The following RPH3A variants were observed in gnomAD, a reference collection of about 807,000 sequenced individuals.
RPH3A encodes rabphilin-3A.
RPH3A carries 48 observed loss-of-function variants against 102.2 expected under a neutral mutation model. The observed-to-expected ratio is 0.47, with a 90% CI of 0.37 to 0.60. The LOEUF is 0.60. RPH3A is among the 20% of genes least tolerant of loss of function. The pLI is 0.00. For synonymous variants in RPH3A, 310 were observed against 324.3 expected (o/e 0.96, Z 0.47); for missense variants, 781 against 910.1 (o/e 0.86, Z 1.83).
chr12:112,626,652 G>A (rs1405462162), intron 1 of RPH3A, among the ~76,000 whole-genome samples: 3 of 142,898 alleles, frequency 2.1e-5, no homozygotes, highest in South Asian at 2.4e-4. Flanking sequence ...TCAGTGTGGC[G>A]ATTCCTCAGG....
chr12:112,823,864 T>A (rs967333028), intron 2 of RPH3A, among the ~76,000 whole-genome samples: 2 of 152,234 alleles, frequency 1.3e-5, no homozygotes, highest in Admixed American at 6.5e-5. Context: ...TTGGCTTTCA[T>A]GAAGTATCAT....
intron 2 of RPH3A, among the ~76,000 whole-genome samples, chr12:112,807,645 C>A (rs1008929182): frequency 6.6e-6 from 1 of 152,096 alleles, no homozygotes; most frequent in Non-Finnish European, 1.5e-5. Context: ...TTGCTTGGAC[C>A]AAAGCTTGGC....
chr12:112,858,816 A>AGGC (rs1435755580), intron 5 of RPH3A, among the ~76,000 whole-genome samples: 1 of 152,178 alleles, frequency 6.6e-6, no homozygotes, highest in Non-Finnish European at 1.5e-5. Context: ...CCACCTCCAG[A>AGGC]GGCCATCCAT....
intron 5 of RPH3A, among the ~76,000 whole-genome samples, chr12:112,858,657 G>T (rs1433014201): frequency 6.6e-6 from 1 of 152,188 alleles, no homozygotes; most frequent in East Asian, 1.9e-4. Flanking sequence ...CTCCATGAGG[G>T]CAGTGATCTT....
chr12:112,655,069 T>C (rs569929148), intron 1 of RPH3A, among the ~76,000 whole-genome samples: 2 of 152,334 alleles, frequency 1.3e-5, no homozygotes, highest in African/African-American at 4.8e-5. Context: ...ATTGATATGC[T>C]TGAAGGCCAT....
At chr12:112,702,543 G>A (rs898217876) in intron 1 of RPH3A, among the ~76,000 whole-genome samples, 2 of 152,230 alleles carry the variant, frequency 1.3e-5, no homozygotes, top group African/African-American at 4.8e-5. Flanking sequence ...AAGCCCACAT[G>A]GGTGCTAGGG....
intron 1 of RPH3A, among the ~76,000 whole-genome samples, chr12:112,656,345 GC>G (rs1461550666): frequency 6.6e-6 from 1 of 152,170 alleles, no homozygotes; most frequent in Non-Finnish European, 1.5e-5. Context: ...TCTTGCAGAT[GC>G]CATTTATATA....
chr12:112,697,299 A>C (rs1019066939), intron 1 of RPH3A, among the ~76,000 whole-genome samples: 1 of 152,212 alleles, frequency 6.6e-6, no homozygotes, highest in Non-Finnish European at 1.5e-5. Context: ...GCAATATAAA[A>C]AATTTAATTT....
chr12:112,764,226 G>C (rs2136068325), intron 1 of RPH3A, among the ~76,000 whole-genome samples: 1 of 152,298 alleles, frequency 6.6e-6, no homozygotes, highest in South Asian at 2.1e-4. Context: ...CCCTCAATGA[G>C]GTACAGGAGC....
chr12:112,685,953 G>A (rs2040260625), intron 1 of RPH3A, among the ~76,000 whole-genome samples: 1 of 152,160 alleles, frequency 6.6e-6, no homozygotes, highest in Non-Finnish European at 1.5e-5. Context: ...TGTCTCAAAG[G>A]CCGTTATTTT....
rs115982137 is a variant in RPH3A, at chr12:112,714,718, T to G, written c.-139-77425T>G. Among the ~76,000 whole-genome samples the G allele has an allele frequency of 1.2e-3, 183 of 152,276 alleles. 2 individuals are homozygous for G. The highest frequency in any genetic ancestry group is 3.9e-3 in the African/African-American group (164 of 41,544). On this transcript the variant is annotated intron_variant, in intron 1 of 21. Transcript: ENST00000543106. Reference sequence around the variant, plus strand: ...GTTTTGTCTCATAGGGCACTTGGATTGATTGGAATCGATGGAGTGACGGTT... The same window carrying G: ...GTTTTGTCTCATAGGGCACTTGGATGGATTGGAATCGATGGAGTGACGGTT...
At chr12:112,701,319 CGG>C (rs765232194) in intron 1 of RPH3A, among the ~76,000 whole-genome samples, 2 of 151,980 alleles carry the variant, frequency 1.3e-5, no homozygotes, top group Non-Finnish European at 2.9e-5. Context: ...TGGTACAATG[CGG>C]GAAGTTGAAA....
chr12:112,816,681 C>A lies in RPH3A; in HGVS notation c.-18-11620C>A, dbSNP rs559716801. On this transcript the variant is annotated intron_variant, in intron 2 of 21. Transcript: ENST00000389385. ...ACGACGGTACTCAACAAATGACCCA[C>A]GCTTGAGAATTATATTATTATTATT... Among the ~76,000 whole-genome samples the A allele has an allele frequency of 7.6e-4, 115 of 151,466 alleles. 1 individual carries two copies. The highest frequency in any genetic ancestry group is 1.3e-3 in the Non-Finnish European group (91 of 68,022).
chr12:112,590,535 G>GTGTC (rs1254597694), intron 1 of RPH3A, among the ~76,000 whole-genome samples: 12 of 152,342 alleles, frequency 7.9e-5, no homozygotes, highest in African/African-American at 2.9e-4. Context: ...TCAGGGCTCA[G>GTGTC]TGTCATGGAA....
At chr12:112,701,098 A>C (rs1200059958) in intron 1 of RPH3A, among the ~76,000 whole-genome samples, 1 of 152,160 alleles carries the variant, frequency 6.6e-6, no homozygotes, top group Non-Finnish European at 1.5e-5. Context: ...TCATTCATTC[A>C]GTCTCTCAAG....
intron 16 of RPH3A, among the ~76,000 whole-genome samples, chr12:112,885,187 C>G (rs2042984741): frequency 6.6e-6 from 1 of 152,194 alleles, no homozygotes; most frequent in African/African-American, 2.4e-5. Flanking sequence ...GTAGCTGTTT[C>G]TAGGTGCACA....
intron 1 of RPH3A, among the ~76,000 whole-genome samples, chr12:112,736,926 G>T (rs1335974549): frequency 6.6e-6 from 1 of 152,110 alleles, no homozygotes; most frequent in African/African-American, 2.4e-5. Context: ...AGGCCAAGAT[G>T]GGAGGATCAC....
chr12:112,673,925 G>A (rs1458793132), intron 1 of RPH3A, among the ~76,000 whole-genome samples: 1 of 152,078 alleles, frequency 6.6e-6, no homozygotes, highest in African/African-American at 2.4e-5. Flanking sequence ...CCACAAATAA[G>A]TGAGAACATG....
chr12:112,743,749 G>A (rs1447419691), intron 1 of RPH3A, among the ~76,000 whole-genome samples: 1 of 152,158 alleles, frequency 6.6e-6, no homozygotes, highest in Non-Finnish European at 1.5e-5. Flanking sequence ...AAGATTTGTG[G>A]CAAGAAATGG....
Sources: allele counts gnomAD v4.1 joint callset (sites outside exome capture counted in the v4.1 genomes callset), GRCh38; gene constraint gnomAD v4.1.1; transcripts MANE v1.5; gene names NCBI Gene and HGNC (gene_info 2026-07-23, HGNC 2026-07-21).